The following HLCS variants were observed in gnomAD, a reference collection of about 807,000 sequenced individuals.
The protein encoded by HLCS is biotin--protein ligase.
A neutral mutation model predicts 75.0 loss-of-function variants in HLCS; 53 were observed. The ratio of observed to expected loss-of-function variants is 0.71; its 90% CI spans 0.57 to 0.89. The LOEUF is 0.89. Ranked by LOEUF, HLCS falls within the 40% of genes least tolerant of loss-of-function variation. The pLI is 0.00. For missense variants in HLCS, 966 were observed against 1,074.0 expected (o/e 0.90, Z 1.41); for synonymous variants, 431 against 428.6 (o/e 1.01, Z -0.07).
chr21:36,959,113 G>A (rs1268548194), intron 2 of HLCS, among the ~76,000 whole-genome samples: 1 of 152,178 alleles, frequency 6.6e-6, no homozygotes, highest in Non-Finnish European at 1.5e-5. Context: ...TGCGGACCTG[G>A]GCATCCCTGC....
intron 6 of HLCS, among the ~76,000 whole-genome samples, chr21:36,858,164 TTC>T (rs1234769515): frequency 6.6e-6 from 1 of 152,186 alleles, no homozygotes; most frequent in African/African-American, 2.4e-5. Flanking sequence ...TATAAAAAAT[TTC>T]TTTCACTGCC....
chr21:36,968,884 C>T (rs2068711281), upstream of HLCS: 1 of 152,180 alleles, frequency 6.6e-6, no homozygotes, highest in Non-Finnish European at 1.5e-5. Flanking sequence ...GGTTTTGAGA[C>T]CACACCTTCC....
At chr21:36,799,637 G>A (rs571415831) in intron 6 of HLCS, among the ~76,000 whole-genome samples, 1 of 152,126 alleles carries the variant, frequency 6.6e-6, no homozygotes, top group Admixed American at 6.5e-5. Context: ...AAGGGGCTGC[G>A]GCCTGAACAC....
In HLCS at chr21:36,752,956, C is replaced by T. The variant is rs1568952870; in HGVS notation, c.*1290G>A. On this transcript the variant is annotated 3_prime_UTR_variant, in exon 11 of 11. Coordinates refer to ENST00000674895, the MANE Select transcript of HLCS (RefSeq NM_001352514.2). ...TGGGACTGGAAGAGAGAAAACTGGA[C>T]AAAAATTGGCCTTTTAAAAAGCTGA... is the stretch of plus-strand genomic sequence containing the variant. The T allele has an allele frequency of 6.6e-6, 1 of 152,514 alleles. No individual in the cohort carries two copies. Among genetic ancestry groups the T allele is most frequent in the African/African-American group, 2.4e-5 (1 of 41,392 alleles). The allele number at this position is 152,514 out of a possible 1,614,324, so 9.4% of individuals were successfully genotyped here.
chr21:36,945,413 T>A (rs578248175), intron 2 of HLCS, among the ~76,000 whole-genome samples: 2 of 152,206 alleles, frequency 1.3e-5, no homozygotes, highest in African/African-American at 4.8e-5. Flanking sequence ...CAAATGTCCA[T>A]CAACAGATGA....
chr21:36,935,018 A>G (rs1353785349), intron 4 of HLCS, among the ~76,000 whole-genome samples: 1 of 152,196 alleles, frequency 6.6e-6, no homozygotes, highest in East Asian at 1.9e-4. Context: ...GTCAATTTAA[A>G]TGGTGCAGCA....
intron 4 of HLCS, among the ~76,000 whole-genome samples, chr21:36,932,046 G>A (rs939630748): frequency 1.3e-5 from 2 of 152,100 alleles, no homozygotes; most frequent in African/African-American, 4.8e-5. Context: ...GTGATGGGAG[G>A]GCATCCTGGC....
At chr21:36,895,510 C>A (rs1018168870) in intron 6 of HLCS, among the ~76,000 whole-genome samples, 1 of 152,132 alleles carries the variant, frequency 6.6e-6, no homozygotes, top group African/African-American at 2.4e-5. Flanking sequence ...TACTAATGAA[C>A]ACGGCTCACA....
At chr21:36,763,098 C>T (rs1488671796) in intron 8 of HLCS, among the ~76,000 whole-genome samples, 1 of 152,224 alleles carries the variant, frequency 6.6e-6, no homozygotes, top group Non-Finnish European at 1.5e-5. Context: ...AATCTCGGCT[C>T]ACCGCAACCT....
chr21:36,935,555 G>T (rs1238623978), intron 4 of HLCS, among the ~76,000 whole-genome samples: 1 of 152,016 alleles, frequency 6.6e-6, no homozygotes, highest in Admixed American at 6.5e-5. Context: ...AAACAAAATC[G>T]ATTACACTTA....
At chr21:36,830,561 C>T (rs113240125) in intron 6 of HLCS, among the ~76,000 whole-genome samples, 1,693 of 152,070 alleles carry the variant, frequency 0.011, 41 homozygotes, top group African/African-American at 0.039. Context: ...GGGCCAGGTG[C>T]GGTGGTTCAT....
At chr21:36,930,052 A>C (rs1241597129) in intron 5 of HLCS, among the ~76,000 whole-genome samples, 199 bp downstream of exon 5, 1 of 152,220 alleles carries the variant, frequency 6.6e-6, no homozygotes, top group East Asian at 1.9e-4. Context: ...TCTAAACTCT[A>C]CTAGTTGGCC....
intron 6 of HLCS, among the ~76,000 whole-genome samples, chr21:36,838,935 C>T (rs928656637): frequency 3.3e-5 from 5 of 152,202 alleles, no homozygotes; most frequent in Non-Finnish European, 7.3e-5. Context: ...CCAGAACCGA[C>T]AGAGAATTAT....
At chr21:36,968,378 CT>C (rs371521592), upstream of HLCS, among the ~76,000 whole-genome samples, 952 of 152,314 alleles carry the variant, frequency 6.3e-3, 8 homozygotes, top group African/African-American at 0.021. Context: ...GAACTTCAGA[CT>C]TTTGGTTAGA....
At chr21:36,862,293 T>C (rs2063406063) in intron 6 of HLCS, among the ~76,000 whole-genome samples, 1 of 152,238 alleles carries the variant, frequency 6.6e-6, no homozygotes, top group Non-Finnish European at 1.5e-5. Context: ...TTTTCATCTC[T>C]CTTGGGTAGG....
chr21:36,989,692 G>A (rs2069306139), intron 1 of HLCS, among the ~76,000 whole-genome samples: 1 of 152,040 alleles, frequency 6.6e-6, no homozygotes, highest in South Asian at 2.1e-4. Flanking sequence ...TAGGCGCTGG[G>A]TCATTAGGAA....
intron 2 of HLCS, among the ~76,000 whole-genome samples, chr21:36,955,015 A>G (rs2067864343): frequency 1.3e-5 from 2 of 152,190 alleles, no homozygotes; most frequent in Non-Finnish European, 2.9e-5. Context: ...GAGCCAAGAT[A>G]GTGCCATTGA....
chr21:36,811,942 T>C (rs927366905), intron 6 of HLCS, among the ~76,000 whole-genome samples: 2 of 152,114 alleles, frequency 1.3e-5, no homozygotes, highest in African/African-American at 4.8e-5. Flanking sequence ...CTTCTTAACC[T>C]GTGAAACCCA....
chr21:36,770,575 T>C (rs930886021), intron 6 of HLCS, among the ~76,000 whole-genome samples: 17 of 151,936 alleles, frequency 1.1e-4, no homozygotes, highest in Non-Finnish European at 1.2e-4. Context: ...ATATGATGGG[T>C]AACCTTTCTT....
Sources: allele counts gnomAD v4.1 joint callset (sites outside exome capture counted in the v4.1 genomes callset), GRCh38; gene constraint gnomAD v4.1.1; transcripts MANE v1.5; gene names NCBI Gene and HGNC (gene_info 2026-07-23, HGNC 2026-07-21).